Variants in ANO3 observed in about 807,000 individuals in gnomAD.
ANO3 encodes the protein anoctamin 3, also known as anoctamin-3.
In ANO3, 99 loss-of-function variants were observed where a neutral mutation model predicts 144.8. The ratio of observed to expected loss-of-function variants is 0.68; its 90% confidence interval spans 0.58 to 0.81. ANO3 has a LOEUF of 0.81. Ranked by LOEUF, ANO3 falls within the 30% of genes least tolerant of loss-of-function variation. The pLI is 0.00. For missense variants in ANO3, 905 were observed against 1,202.2 expected (o/e 0.75, Z 3.66); for synonymous variants, 414 against 392.6 (o/e 1.05, Z -0.64).
intron 4 of ANO3, among the ~76,000 whole-genome samples, chr11:26,491,361 G>T (rs1270571384): frequency 6.6e-6 from 1 of 152,170 alleles, no homozygotes; most frequent in Non-Finnish European, 1.5e-5. Flanking sequence ...ATAAACAGTT[G>T]TAACAGTTAT....
At chr11:26,509,265 A>G (rs1861558089) in intron 5 of ANO3, among the ~76,000 whole-genome samples, 1 of 152,056 alleles carries the variant, frequency 6.6e-6, no homozygotes, top group African/African-American at 2.4e-5. Flanking sequence ...ACTGAGAAAA[A>G]GAAAATCAAT....
At chr11:26,486,377 A>G (rs5007351) in intron 4 of ANO3, among the ~76,000 whole-genome samples, 9 of 149,650 alleles carry the variant, frequency 6.0e-5, no homozygotes, top group African/African-American at 1.8e-4. Context: ...AAAAAAAAAA[A>G]AAGGAAGTCA....
chr11:26,561,683 G>T (rs1193671939), intron 14 of ANO3, among the ~76,000 whole-genome samples: 1 of 151,866 alleles, frequency 6.6e-6, no homozygotes, highest in African/African-American at 2.4e-5. Context: ...ACCATTTAAG[G>T]TGGAGGAGAT....
chr11:26,190,877 T>C (rs1244722435), intron 1 of ANO3, among the ~76,000 whole-genome samples: 1 of 152,200 alleles, frequency 6.6e-6, no homozygotes, highest in African/African-American at 2.4e-5. Context: ...TGCTTCCTCC[T>C]TTTTGCTTCC....
At chr11:26,518,582 A>G (rs1466014490) in intron 6 of ANO3, among the ~76,000 whole-genome samples, 1 of 152,050 alleles carries the variant, frequency 6.6e-6, no homozygotes, top group Non-Finnish European at 1.5e-5. Context: ...TCTTATGATT[A>G]TAGTTGAAAC....
Position 26,227,615 on chromosome 11 carries a change from A to C in ANO3, c.154+38285A>C, listed in dbSNP as rs192753155. 7.6e-4 allele frequency among the ~76,000 whole-genome samples: 115 copies of C among 152,288 alleles called. 1 individual carries two copies. The highest frequency in any genetic ancestry group is 3.4e-3 in the Middle Eastern group (1 of 294). On this transcript the variant is annotated intron_variant, in intron 1 of 27. Transcript: ENST00000672621. ...CCTTGTGTCTTATAAGAAGCTCTCA[A>C]CTTTCATTTATTCATTCTGAACTAC...
chr11:26,356,599 CTATTA>C (rs1855792139), intron 1 of ANO3, among the ~76,000 whole-genome samples: 1 of 151,956 alleles, frequency 6.6e-6, no homozygotes, highest in South Asian at 2.1e-4. Context: ...GTTGATTATT[CTATTA>C]TATTGTGTAT....
At chr11:26,407,071 T>TATATATAC (rs1286665166) in intron 1 of ANO3, among the ~76,000 whole-genome samples, 2 of 99,132 alleles carry the variant, frequency 2.0e-5, no homozygotes, top group Non-Finnish European at 4.5e-5. Context: ...TGTGTGTGTG[T>TATATATAC]GTGTGTATAT....
At chr11:26,339,367 C>G (rs755282974) in intron 1 of ANO3, among the ~76,000 whole-genome samples, 16 of 152,102 alleles carry the variant, frequency 1.1e-4, no homozygotes, top group Non-Finnish European at 2.1e-4. Flanking sequence ...GTTGGCCAGG[C>G]TGGTCTCAAA....
chr11:26,384,189 C>A (rs866294586), intron 1 of ANO3, among the ~76,000 whole-genome samples: 1 of 151,984 alleles, frequency 6.6e-6, no homozygotes, highest in Non-Finnish European at 1.5e-5. Context: ...CGTGAGCCAC[C>A]GTGCCCAGCC....
At chr11:26,476,630 C>A (rs1263893021) in intron 4 of ANO3, among the ~76,000 whole-genome samples, 1 of 151,894 alleles carries the variant, frequency 6.6e-6, no homozygotes, top group East Asian at 1.9e-4. Flanking sequence ...TAAGATCACT[C>A]TGCCCCTTTG....
chr11:26,225,848 A>T (rs926744064), intron 1 of ANO3, among the ~76,000 whole-genome samples: 2 of 152,172 alleles, frequency 1.3e-5, no homozygotes, highest in African/African-American at 4.8e-5. Flanking sequence ...CTCTATTTGT[A>T]CTTTCGTGTT....
At chr11:26,454,589 C>T (rs1289256954) in intron 3 of ANO3, among the ~76,000 whole-genome samples, 1 of 151,884 alleles carries the variant, frequency 6.6e-6, no homozygotes, top group African/African-American at 2.4e-5. Flanking sequence ...TAATCAATAG[C>T]TTACCAACCA....
At chr11:26,538,812 GA>G (rs1849574151) in intron 10 of ANO3, among the ~76,000 whole-genome samples, 1 of 152,126 alleles carries the variant, frequency 6.6e-6, no homozygotes, top group African/African-American at 2.4e-5. Context: ...TGAAATACAA[GA>G]AAGTAAATTA....
intron 17 of ANO3, among the ~76,000 whole-genome samples, chr11:26,606,873 T>G (rs1851951443): frequency 1.3e-5 from 2 of 152,172 alleles, no homozygotes; most frequent in African/African-American, 2.4e-5. Context: ...TCATTGATCT[T>G]TATATTTTGG....
intron 26 of ANO3, among the ~76,000 whole-genome samples, chr11:26,656,713 A>G (rs570581486): frequency 6.6e-6 from 1 of 152,290 alleles, no homozygotes; most frequent in South Asian, 2.1e-4. Context: ...TAAAAAAGCT[A>G]CTGCACAGTT....
chr11:26,604,020 C>T (rs1851869734), intron 17 of ANO3, among the ~76,000 whole-genome samples: 1 of 152,092 alleles, frequency 6.6e-6, no homozygotes, highest in Non-Finnish European at 1.5e-5. Context: ...CAATGTCACC[C>T]TACTGTGCAG....
At chr11:26,326,741 G>T (rs1159232294) in intron 1 of ANO3, among the ~76,000 whole-genome samples, 1 of 152,060 alleles carries the variant, frequency 6.6e-6, no homozygotes, top group Non-Finnish European at 1.5e-5. Flanking sequence ...AAAATACACA[G>T]GCCTAGACCA....
At chr11:26,316,071 G>GT (rs1443041714) in intron 1 of ANO3, among the ~76,000 whole-genome samples, 1 of 152,192 alleles carries the variant, frequency 6.6e-6, no homozygotes, top group Admixed American at 6.5e-5. Flanking sequence ...TGAGGTATGT[G>GT]TTTGTGGCTG....
Sources: allele counts gnomAD v4.1 joint callset (sites outside exome capture counted in the v4.1 genomes callset), GRCh38; gene constraint gnomAD v4.1.1; transcripts MANE v1.5; gene names NCBI Gene and HGNC (gene_info 2026-07-23, HGNC 2026-07-21).